Variants in TAFA1 observed in about 807,000 individuals in gnomAD.
TAFA1 encodes the protein chemokine-like protein TAFA-1.
Under a neutral mutation model 18.5 loss-of-function variants are expected in TAFA1, and 4 were observed. The observed-to-expected ratio is 0.22, with a 90% confidence interval of 0.11 to 0.49. The LOEUF is 0.49. Among genes scored for constraint, TAFA1 ranks in the 20% least tolerant of loss-of-function variants. The pLI is 0.98. For missense variants in TAFA1, 147 were observed against 169.0 expected (o/e 0.87, Z 0.72); for synonymous variants, 56 against 55.2 (o/e 1.01, Z -0.06).
At chr3:68,097,264 A>G (rs2065096889) in intron 2 of TAFA1, among the ~76,000 whole-genome samples, 1 of 152,112 alleles carries the variant, frequency 6.6e-6, no homozygotes. Flanking sequence ...TTATACATGA[A>G]ACTTTTTTTC....
intron 2 of TAFA1, among the ~76,000 whole-genome samples, chr3:68,366,123 G>A (rs1208940252): frequency 6.6e-6 from 1 of 150,396 alleles, no homozygotes; most frequent in Non-Finnish European, 1.5e-5. Flanking sequence ...CAGATCTCGT[G>A]AGACTTATTC....
At chr3:68,263,255 A>T (rs554886550) in intron 2 of TAFA1, among the ~76,000 whole-genome samples, 1 of 152,224 alleles carries the variant, frequency 6.6e-6, no homozygotes, top group African/African-American at 2.4e-5. Flanking sequence ...AATATATTAT[A>T]CGGTGGAATT....
At chr3:68,137,825 G>A (rs949236158) in intron 2 of TAFA1, among the ~76,000 whole-genome samples, 2 of 152,104 alleles carry the variant, frequency 1.3e-5, no homozygotes, top group Admixed American at 6.5e-5. Flanking sequence ...AAAAACTGTT[G>A]AGAGAAAAAT....
chr3:68,240,338 G>A (rs1196014939), intron 2 of TAFA1, among the ~76,000 whole-genome samples: 1 of 152,158 alleles, frequency 6.6e-6, no homozygotes, highest in Non-Finnish European at 1.5e-5. Context: ...TAAACTGGGG[G>A]CAAAGAATGT....
At chr3:68,343,358 A>G (rs997314235) in intron 2 of TAFA1, among the ~76,000 whole-genome samples, 5 of 152,208 alleles carry the variant, frequency 3.3e-5, no homozygotes, top group African/African-American at 1.2e-4. Flanking sequence ...TACATTTTTA[A>G]AAAGAGAATA....
Position 68,448,686 on chromosome 3 carries a change from C to T in TAFA1, c.259+31266C>T, listed in dbSNP as rs1392815392. On this transcript the variant is annotated intron_variant, in intron 3 of 4. Coordinates refer to ENST00000478136, the MANE Select transcript of TAFA1 (RefSeq NM_213609.4). ...CTTCAAAGTACATTGAGTACTTCAA[C>T]TGTTAATGTTGTAAGAGGAAAACTG... Among the ~76,000 whole-genome samples, 4 of 151,946 alleles carry T rather than the reference C, an allele frequency of 2.6e-5. No homozygotes were observed. In the East Asian group the frequency reaches 7.8e-4, roughly 29 times the overall value.
intron 2 of TAFA1, among the ~76,000 whole-genome samples, chr3:68,214,083 C>T (rs922746643): frequency 6.6e-6 from 1 of 151,918 alleles, no homozygotes; most frequent in African/African-American, 2.4e-5. Context: ...TTTTGAGTAC[C>T]CTAGTAAAAC....
intron 3 of TAFA1, among the ~76,000 whole-genome samples, chr3:68,466,674 C>T (rs749750547): frequency 1.7e-4 from 26 of 152,084 alleles, no homozygotes; most frequent in African/African-American, 4.1e-4. Context: ...CAAGTCCTCT[C>T]GGACCCTAAT....
chr3:68,180,653 C>G (rs114921308), intron 2 of TAFA1, among the ~76,000 whole-genome samples: 3,430 of 152,232 alleles, frequency 0.023, 50 homozygotes, highest in Non-Finnish European at 0.034. Context: ...TCCCTACAAC[C>G]CCTTATTTTT....
intron 3 of TAFA1, among the ~76,000 whole-genome samples, chr3:68,497,547 G>A (rs1311930680): frequency 6.6e-6 from 1 of 152,082 alleles, no homozygotes; most frequent in African/African-American, 2.4e-5. Flanking sequence ...TTGGTAATGT[G>A]CCTGGCAGAA....
At chr3:68,031,303 T>G (rs1704929884) in intron 2 of TAFA1, among the ~76,000 whole-genome samples, 1 of 152,202 alleles carries the variant, frequency 6.6e-6, no homozygotes, top group Non-Finnish European at 1.5e-5. Flanking sequence ...TTATGGGGCA[T>G]CTGGTGACCA....
At chr3:68,477,863 A>G (rs1333072865) in intron 3 of TAFA1, among the ~76,000 whole-genome samples, 3 of 152,224 alleles carry the variant, frequency 2.0e-5, no homozygotes, top group Non-Finnish European at 4.4e-5. Flanking sequence ...TATTGGATAT[A>G]GAGAGGTAAC....
At chr3:68,103,171 A>G (rs2065167497) in intron 2 of TAFA1, among the ~76,000 whole-genome samples, 1 of 152,182 alleles carries the variant, frequency 6.6e-6, no homozygotes, top group African/African-American at 2.4e-5. Flanking sequence ...GATGAGGGGA[A>G]GTGGGTTCAG....
chr3:68,391,455 A>C (rs1251637240), intron 2 of TAFA1, among the ~76,000 whole-genome samples: 1 of 152,196 alleles, frequency 6.6e-6, no homozygotes, highest in Non-Finnish European at 1.5e-5. Flanking sequence ...TATCCAGGAG[A>C]ACTTCCCCAA....
chr3:68,500,416 G>T (rs2072637115), intron 3 of TAFA1, among the ~76,000 whole-genome samples: 1 of 152,054 alleles, frequency 6.6e-6, no homozygotes, highest in Admixed American at 6.6e-5. Flanking sequence ...AAAATTCCCT[G>T]CCCAATTGTT....
At chr3:68,467,896 T>A (rs1559681804) in intron 3 of TAFA1, among the ~76,000 whole-genome samples, 1 of 152,194 alleles carries the variant, frequency 6.6e-6, no homozygotes, top group Admixed American at 6.5e-5. Context: ...CCTGAGTAGT[T>A]TGATCAATGA....
chr3:68,024,017 C>T (rs575936343), intron 2 of TAFA1, among the ~76,000 whole-genome samples: 1 of 152,136 alleles, frequency 6.6e-6, no homozygotes, highest in Non-Finnish European at 1.5e-5. Context: ...AGAAGAATTG[C>T]CACCTTGGAA....
At chr3:68,351,352 G>A (rs191821844) in intron 2 of TAFA1, among the ~76,000 whole-genome samples, 3 of 152,158 alleles carry the variant, frequency 2.0e-5, no homozygotes, top group South Asian at 2.1e-4. Flanking sequence ...CAACCAAGAC[G>A]ATTGTTGGAA....
chr3:68,309,235 G>A (rs897279992), intron 2 of TAFA1, among the ~76,000 whole-genome samples: 2 of 152,032 alleles, frequency 1.3e-5, no homozygotes, highest in African/African-American at 4.8e-5. Flanking sequence ...CATACGATAG[G>A]TGTCCAAGAC....
Sources: allele counts gnomAD v4.1 joint callset (sites outside exome capture counted in the v4.1 genomes callset), GRCh38; gene constraint gnomAD v4.1.1; transcripts MANE v1.5; gene names NCBI Gene and HGNC (gene_info 2026-07-23, HGNC 2026-07-21).